Variants in AXIN2 observed in about 807,000 individuals in gnomAD.
AXIN2 encodes the protein axin 2.
Under a neutral mutation model 74.7 loss-of-function variants are expected in AXIN2, and 21 were observed. The observed-to-expected ratio is 0.28, with a 90% CI of 0.20 to 0.40. AXIN2 has a LOEUF of 0.40. Among genes scored for constraint, AXIN2 ranks in the 10% least tolerant of loss-of-function variants. The pLI is 1.00. For synonymous variants in AXIN2, 532 were observed against 454.9 expected (o/e 1.17, Z -2.16); for missense variants, 1,144 against 1,111.1 (o/e 1.03, Z -0.42).
chr17:65,537,232 T>C (rs2144454404), intron 6 of AXIN2, 92 bp downstream of exon 6: 1 of 1,586,066 alleles, frequency 6.3e-7, no homozygotes, highest in East Asian at 2.2e-5. Context: ...AGAAACTAAA[T>C]GCCTGTAATG....
chr17:65,535,024 T>C (rs1161052712), intron 9 of AXIN2, among the ~76,000 whole-genome samples: 1 of 152,202 alleles, frequency 6.6e-6, no homozygotes, highest in African/African-American at 2.4e-5. Context: ...GGCAGTGGCC[T>C]ATTGAGGACT....
chr17:65,540,460 G>A (rs963649192), intron 4 of AXIN2, among the ~76,000 whole-genome samples: 2 of 152,086 alleles, frequency 1.3e-5, no homozygotes, highest in Non-Finnish European at 2.9e-5. Flanking sequence ...TTAGTTTCTG[G>A]GAAATAAGTG....
chr17:65,558,707 A>G lies in AXIN2; in HGVS notation c.-87T>C, dbSNP rs2044315672. On this transcript the variant is annotated 5_prime_UTR_variant, in exon 2 of 11. Coordinates refer to ENST00000307078, the MANE Select transcript of AXIN2 (RefSeq NM_004655.4). ...CGGCGTGGTCTCTCTGTCTCTCTCA[A>G]GTCAGCAGGGGCTCATCTGAACCTC... 1.5e-6 allele frequency: 2 copies of G among 1,354,150 alleles called. No homozygotes were observed. The highest frequency in any genetic ancestry group is 2.0e-5 in the Admixed American group (1 of 51,218). The allele number at this position is 1,354,150 out of a possible 1,614,324, so 83.9% of individuals were successfully genotyped here. A position where few individuals can be genotyped will look rare whatever the true frequency, so the allele number is the denominator to read the frequency against.
chr17:65,553,110 G>A (rs1490970864), intron 2 of AXIN2, among the ~76,000 whole-genome samples: 4 of 152,292 alleles, frequency 2.6e-5, no homozygotes, highest in African/African-American at 7.2e-5. Flanking sequence ...TCTTTATCAT[G>A]ATCTATAATG....
intron 3 of AXIN2, among the ~76,000 whole-genome samples, chr17:65,548,217 C>T (rs2044143431): frequency 6.6e-6 from 1 of 152,182 alleles, no homozygotes. Context: ...TTCAAACTTT[C>T]ACCTTGAGGA....
At chr17:65,540,277 C>T (rs1440651659) in intron 4 of AXIN2, among the ~76,000 whole-genome samples, 1 of 152,138 alleles carries the variant, frequency 6.6e-6, no homozygotes, top group Non-Finnish European at 1.5e-5. Context: ...GTTCCTTATT[C>T]ATTCACTCAA....
Position 65,530,719 on chromosome 17 carries a change from C to T in AXIN2, c.2406-617G>A, listed in dbSNP as rs141674661. 3.4e-3 allele frequency among the ~76,000 whole-genome samples: 520 copies of T among 152,314 alleles called. 5 individuals are homozygous for T. The highest frequency in any genetic ancestry group is 0.012 in the African/African-American group (504 of 41,584). ...GAGGCAAGCCAGCCCAGCGCAGCTT[C>T]CCAGGGCCGAACAGACGGCACTGGC... On this transcript the variant is annotated intron_variant, in intron 10 of 10. Coordinates refer to ENST00000307078, the MANE Select transcript of AXIN2 (RefSeq NM_004655.4).
chr17:65,550,152 C>T (rs1300925082), intron 2 of AXIN2, among the ~76,000 whole-genome samples: 1 of 152,218 alleles, frequency 6.6e-6, no homozygotes, highest in Non-Finnish European at 1.5e-5. Context: ...TCCAGAGATG[C>T]AAACAGCTAG....
chr17:65,539,087 A>G (rs985221809), intron 4 of AXIN2, among the ~76,000 whole-genome samples: 1 of 152,192 alleles, frequency 6.6e-6, no homozygotes, highest in East Asian at 1.9e-4. Flanking sequence ...AGTGCAGAAT[A>G]TAAAAAGGCA....
At chr17:65,560,622 G>A (rs2044353168) in intron 1 of AXIN2, 1 of 151,850 alleles carries the variant, frequency 6.6e-6, no homozygotes, top group Admixed American at 6.6e-5. Flanking sequence ...CGCCAACCCG[G>A]TCACCGCGCT....
intron 4 of AXIN2, 103 bp from the exon 5 acceptor site, chr17:65,538,446 A>G: frequency 3.3e-6 from 5 of 1,500,752 alleles, no homozygotes; most frequent in South Asian, 2.4e-5. Flanking sequence ...CCGCAAACCC[A>G]TGTTCGGGTG....
At chr17:65,539,082 A>G (rs2043999181) in intron 4 of AXIN2, among the ~76,000 whole-genome samples, 1 of 152,216 alleles carries the variant, frequency 6.6e-6, no homozygotes, top group Non-Finnish European at 1.5e-5. Context: ...AATCAAGTGC[A>G]GAATATAAAA....
intron 3 of AXIN2, among the ~76,000 whole-genome samples, chr17:65,548,635 C>T (rs961079992): frequency 6.6e-6 from 1 of 152,208 alleles, no homozygotes; most frequent in African/African-American, 2.4e-5. Flanking sequence ...AGGCTCCACT[C>T]TGGGTCTCCT....
rs759875493 is a variant in AXIN2 at position 65,534,086 on chromosome 17, A to G, written c.2238-7T>C. The G allele has an allele frequency of 1.6e-5, 26 of 1,614,136 alleles. No individual in the cohort carries two copies. The highest frequency in any genetic ancestry group is 5.3e-5 in the African/African-American group (4 of 74,954). On this transcript the variant is annotated splice_polypyrimidine_tract_variant and splice_region_variant and intron_variant, in intron 9 of 10. Coordinates refer to ENST00000307078, the MANE Select transcript of AXIN2 (RefSeq NM_004655.4). Reference sequence around the variant, plus strand: ...TTTCTTTGGCTCTTTGTGACTGAAAATAAGATGGAATGGAACAAGTTTAGC... The same window carrying G: ...TTTCTTTGGCTCTTTGTGACTGAAAGTAAGATGGAATGGAACAAGTTTAGC...
chr17:65,552,253 G>A (rs2044204306), intron 2 of AXIN2, among the ~76,000 whole-genome samples: 1 of 152,160 alleles, frequency 6.6e-6, no homozygotes, highest in African/African-American at 2.4e-5. Flanking sequence ...CCCCACTAAA[G>A]GAAGAACAAG....
rs1167861377 is a variant in AXIN2, at chr17:65,561,515, G to A, written c.-182C>T. On this transcript the variant is annotated 5_prime_UTR_variant, in exon 1 of 11. Transcript: ENST00000307078. ...GCGGCCCCGAAATCCATCGCTCTGA[G>A]GGGTTATTTTTATTTCCCGGCTCTC... 1 of 150,636 alleles carries A rather than the reference G, an allele frequency of 6.6e-6. No individual in the cohort carries two copies. The highest frequency in any genetic ancestry group is 1.5e-5 in the Non-Finnish European group (1 of 67,384). The allele number at this position is 150,636 out of a possible 1,614,324, so 9.3% of individuals were successfully genotyped here.
chr17:65,555,133 G>A (rs1247491147), intron 2 of AXIN2, among the ~76,000 whole-genome samples: 2 of 152,146 alleles, frequency 1.3e-5, no homozygotes, highest in African/African-American at 4.8e-5. Flanking sequence ...CGTTAAAAAC[G>A]AGGCTCCTTT....
intron 1 of AXIN2, chr17:65,559,499 A>T (rs1448919749): frequency 6.6e-6 from 1 of 150,690 alleles, no homozygotes; most frequent in East Asian, 2.0e-4. Context: ...CTCCCCCCAA[A>T]CCAGAAACCA....
intron 9 of AXIN2, among the ~76,000 whole-genome samples, chr17:65,534,587 C>T (rs1759233382): frequency 6.6e-6 from 1 of 152,210 alleles, no homozygotes; most frequent in South Asian, 2.1e-4. Flanking sequence ...ATCACACAGT[C>T]ATGTCCATTT....
Sources: allele counts gnomAD v4.1 joint callset (sites outside exome capture counted in the v4.1 genomes callset), GRCh38; gene constraint gnomAD v4.1.1; transcripts MANE v1.5; gene names NCBI Gene and HGNC (gene_info 2026-07-23, HGNC 2026-07-21).